Variants in LEKR1 observed in about 807,000 individuals in gnomAD.
LEKR1 encodes leucine, glutamate and lysine rich 1.
Under a neutral mutation model 72.4 loss-of-function variants are expected in LEKR1, and 59 were observed. That is an observed-to-expected ratio of 0.82 (90% confidence interval 0.66 to 1.01). The LOEUF (loss-of-function observed/expected upper bound fraction) is 1.01, where lower values mean the gene tolerates loss of function less well. Ranked by LOEUF, LEKR1 falls within the 50% of genes least tolerant of loss-of-function variation. The pLI is 0.00. For synonymous variants in LEKR1, 257 were observed against 263.2 expected (o/e 0.98, Z 0.23); for missense variants, 728 against 759.2 (o/e 0.96, Z 0.48).
At chr3:156,915,045 C>T (rs1723489707) in intron 3 of LEKR1, among the ~76,000 whole-genome samples, 1 of 152,008 alleles carries the variant, frequency 6.6e-6, no homozygotes, top group African/African-American at 2.4e-5. Flanking sequence ...GTGGTATTTG[C>T]TTTCCTATTG....
At chr3:156,878,235 T>C (rs1718856289) in intron 3 of LEKR1, among the ~76,000 whole-genome samples, 1 of 152,204 alleles carries the variant, frequency 6.6e-6, no homozygotes, top group South Asian at 2.1e-4. Context: ...ATTTATCTTC[T>C]TTCAGACTTT....
chr3:156,956,879 C>T (rs546524486), intron 6 of LEKR1, among the ~76,000 whole-genome samples: 57 of 151,960 alleles, frequency 3.8e-4, no homozygotes, highest in Non-Finnish European at 7.1e-4. Flanking sequence ...AGAAACAAAC[C>T]ATTAACACAG....
intron 2 of LEKR1, chr3:156,851,315 CTG>C (rs1172934538): frequency 6.6e-6 from 1 of 152,168 alleles, no homozygotes; most frequent in Non-Finnish European, 1.5e-5. Context: ...TCTAAGAGGA[CTG>C]GAACTGGTGC....
At chr3:156,990,064 G>A (rs1731031746) in intron 7 of LEKR1, among the ~76,000 whole-genome samples, 1 of 152,148 alleles carries the variant, frequency 6.6e-6, no homozygotes, top group Non-Finnish European at 1.5e-5. Context: ...AATCTACTCA[G>A]ATATCTCTTT....
intron 6 of LEKR1, among the ~76,000 whole-genome samples, chr3:156,947,824 C>A (rs150956730): frequency 6.6e-6 from 1 of 151,126 alleles, no homozygotes; most frequent in Admixed American, 6.6e-5. Context: ...AGGTGCTAAG[C>A]CCTTTCTGTC....
At position 156,899,250 on chromosome 3, in the gene LEKR1, A is replaced by G. The variant is rs917554828; in HGVS notation, c.264-21325A>G. Among the ~76,000 whole-genome samples, 15 of 43,790 alleles carry G rather than the reference A, an allele frequency of 3.4e-4. No homozygotes were observed. The Admixed American group carries it at 3.9e-3, about 11-fold the overall frequency. The allele number at this position is 43,790 out of a possible 152,430, so 28.7% of individuals were successfully genotyped here. ...CCTAGCTCTGTCTATATACATATAT[A>G]TACATATATATATATACACACATGT... On this transcript the variant is annotated intron_variant, in intron 3 of 12. Coordinates refer to ENST00000356539, the MANE Select transcript of LEKR1 (RefSeq NM_001004316.3).
At chr3:156,984,396 G>T (rs1228075051) in intron 7 of LEKR1, among the ~76,000 whole-genome samples, 1 of 152,108 alleles carries the variant, frequency 6.6e-6, no homozygotes, top group African/African-American at 2.4e-5. Flanking sequence ...ATGTTTTCTG[G>T]CCGGGCGCAG....
At chr3:156,880,659 C>T (rs953410177) in intron 3 of LEKR1, among the ~76,000 whole-genome samples, 39 of 152,224 alleles carry the variant, frequency 2.6e-4, no homozygotes, top group African/African-American at 8.7e-4. Flanking sequence ...ATGAGGCCAA[C>T]ATCATCCTGA....
In LEKR1 at chr3:157,005,856, C is replaced by T. The variant is rs1169615108; in HGVS notation, c.1110-5557C>T. On this transcript the variant is annotated intron_variant, in intron 9 of 12. Transcript: ENST00000356539. ...AACTCAGTTACATGAACATAAACAT[C>T]CTAATAAAAAATGAACAAAAGACTT... Among the ~76,000 whole-genome samples, 5 of 151,992 alleles carry T rather than the reference C, an allele frequency of 3.3e-5. No homozygotes were observed. In the East Asian group the frequency reaches 9.7e-4, roughly 29 times the overall value.
chr3:157,027,821 CA>C (rs199951635), intron 11 of LEKR1, among the ~76,000 whole-genome samples: 7 of 149,346 alleles, frequency 4.7e-5, no homozygotes, highest in African/African-American at 9.8e-5. Context: ...GACCCTGTCT[CA>C]AAAAAAAAGA....
chr3:156,885,784 A>G (rs1719996106), intron 3 of LEKR1, among the ~76,000 whole-genome samples: 1 of 152,148 alleles, frequency 6.6e-6, no homozygotes, highest in South Asian at 2.1e-4. Context: ...TACACTCAGG[A>G]CCTCTGGATG....
intron 3 of LEKR1, among the ~76,000 whole-genome samples, chr3:156,897,968 AAG>A (rs1721370616): frequency 6.6e-6 from 1 of 151,940 alleles, no homozygotes. Flanking sequence ...AAAAAAAAAA[AAG>A]AAATTGTGGA....
intron 5 of LEKR1, among the ~76,000 whole-genome samples, chr3:156,928,476 A>G (rs995424651): frequency 1.3e-5 from 2 of 152,020 alleles, no homozygotes; most frequent in Non-Finnish European, 1.5e-5. Flanking sequence ...AAAGGTTTTT[A>G]TTAATGTTGA....
chr3:157,011,327 A>G lies in LEKR1; in HGVS notation c.1110-86A>G. On this transcript the variant is annotated intron_variant, in intron 9 of 12. Coordinates refer to ENST00000356539, the MANE Select transcript of LEKR1 (RefSeq NM_001004316.3). ...AGAAAATAAACAGACTAAGTTTTGAAGTAATATCTCCCGACCCAGGAACTA... is the reference window on the plus strand; with the variant it reads ...AGAAAATAAACAGACTAAGTTTTGAGGTAATATCTCCCGACCCAGGAACTA... 5.9e-6 allele frequency: 5 copies of G among 852,666 alleles called. No individual in the cohort carries two copies. In the South Asian group the frequency reaches 7.0e-5, roughly 12 times the overall value. The allele number at this position is 852,666 out of a possible 1,614,324, so 52.8% of individuals were successfully genotyped here.
chr3:156,859,133 T>G (rs1236628659), intron 3 of LEKR1, among the ~76,000 whole-genome samples: 2 of 152,222 alleles, frequency 1.3e-5, no homozygotes, highest in Non-Finnish European at 2.9e-5. Context: ...TTGTAATAGA[T>G]CCATTAAATT....
intron 3 of LEKR1, among the ~76,000 whole-genome samples, chr3:156,900,364 C>G (rs1265384474): frequency 6.6e-6 from 1 of 152,164 alleles, no homozygotes; most frequent in Non-Finnish European, 1.5e-5. Flanking sequence ...TATTAGACTG[C>G]ACGTATTGTA....
chr3:156,871,556 A>G lies in LEKR1; in HGVS notation c.263+18574A>G, dbSNP rs567719052. Among the ~76,000 whole-genome samples the G allele has an allele frequency of 1.6e-4, 24 of 152,284 alleles. No individual in the cohort carries two copies. The South Asian group carries it at 5.0e-3, about 32-fold the overall frequency. On this transcript the variant is annotated intron_variant, in intron 3 of 12. Transcript: ENST00000356539. ...CACTGACTTCCACAGTGGTTGAACT[A>G]GTTTACAGTCCCACCAACAGTGTAA... is the stretch of plus-strand genomic sequence containing the variant.
chr3:156,916,910 T>A (rs1723708880), intron 3 of LEKR1, among the ~76,000 whole-genome samples: 1 of 152,026 alleles, frequency 6.6e-6, no homozygotes, highest in East Asian at 1.9e-4. Flanking sequence ...TTCTTGATTA[T>A]GAACAGACAA....
chr3:156,996,926 G>A (rs1180798194), intron 9 of LEKR1, among the ~76,000 whole-genome samples: 1 of 152,066 alleles, frequency 6.6e-6, no homozygotes, highest in African/African-American at 2.4e-5. Context: ...TTAGCTGAGT[G>A]TGGTGGCGGG....
Sources: allele counts gnomAD v4.1 joint callset (sites outside exome capture counted in the v4.1 genomes callset), GRCh38; gene constraint gnomAD v4.1.1; transcripts MANE v1.5; gene names NCBI Gene and HGNC (gene_info 2026-07-23, HGNC 2026-07-21).